Variants in EAPP observed in about 807,000 individuals in gnomAD.
EAPP encodes E2F-associated phosphoprotein.
Under a neutral mutation model 34.3 loss-of-function variants are expected in EAPP, and 38 were observed. The observed-to-expected ratio is 1.11, with a 90% CI of 0.85 to 1.45. EAPP has a LOEUF of 1.45. Ranked by LOEUF, EAPP falls within the 40% of genes most tolerant of loss-of-function variation. The probability of loss-of-function intolerance (pLI) is 0.00; values close to 1 mark genes in which losing one functional copy is unlikely to be tolerated. For missense variants in EAPP, 338 were observed against 343.7 expected, an observed-to-expected ratio of 0.98 and a Z score of 0.13; for synonymous variants, 113 against 117.6, an observed-to-expected ratio of 0.96 and a Z score of 0.25.
Position 34,516,559 on chromosome 14 carries a change from T to C in EAPP, c.609A>G (p.Arg203=). ...QRHESYKTQY[R]AMFVMNCSIN... is the part of the protein sequence containing the mutation. The stretch of plus-strand genomic sequence containing the variant: ...TAGAACAATTCATTACAAACATTGC[T>C]CTATATTGAGTTTTGTATGATTCAT... Residue 203 remains arginine (R), a synonymous_variant, in exon 6 of 6, where the codon AGA becomes AGG. Coordinates refer to ENST00000250454, the MANE Select transcript of EAPP (RefSeq NM_018453.4). The C allele has an allele frequency of 6.2e-7, 1 of 1,613,644 alleles. No homozygotes were observed. The highest frequency in any genetic ancestry group is 8.5e-7 in the Non-Finnish European group (1 of 1,179,896).
chr14:34,529,120 T>C (rs1263914404), intron 4 of EAPP, among the ~76,000 whole-genome samples: 8 of 151,930 alleles, frequency 5.3e-5, no homozygotes, highest in Non-Finnish European at 1.5e-5. Flanking sequence ...CAGGCGACAG[T>C]GCAAGACTCT....
chr14:34,517,056 G>C (rs1244437384), intron 5 of EAPP, among the ~76,000 whole-genome samples: 3 of 151,212 alleles, frequency 2.0e-5, no homozygotes, highest in African/African-American at 7.3e-5. Context: ...TCCTGCCTCA[G>C]CCTCCCGAGT....
At chr14:34,536,350 G>T in intron 1 of EAPP, 75 bp from the exon 2 acceptor site, 3 of 1,163,412 alleles carry the variant, frequency 2.6e-6, no homozygotes, top group Non-Finnish European at 3.5e-6. Context: ...GCATCTCACT[G>T]TCCAACAACA....
chr14:34,517,227 C>G (rs189920524), intron 5 of EAPP, among the ~76,000 whole-genome samples: 72 of 150,588 alleles, frequency 4.8e-4, no homozygotes, highest in African/African-American at 1.6e-3. Context: ...CGTGAGCCAC[C>G]GCACCCAGAC....
At chr14:34,526,359 T>TG (rs1880095455) in intron 4 of EAPP, among the ~76,000 whole-genome samples, 1 of 149,894 alleles carries the variant, frequency 6.7e-6, no homozygotes, top group Non-Finnish European at 1.5e-5. Context: ...ACCCAGGAGG[T>TG]GGAGGTCACA....
intron 3 of EAPP, 21 bp downstream of exon 3, chr14:34,533,423 C>T: frequency 1.3e-6 from 2 of 1,542,468 alleles, no homozygotes; most frequent in Non-Finnish European, 1.8e-6. Context: ...AACTGCTAAA[C>T]CTGGTAAATA....
Position 34,533,507 on chromosome 14 carries a change from C to T in EAPP, c.289G>A (p.Ala97Thr), listed in dbSNP as rs1178514665. The T allele has an allele frequency of 6.3e-7, 1 of 1,595,244 alleles. No individual in the cohort carries two copies. The highest frequency in any genetic ancestry group is 1.4e-5 in the African/African-American group (1 of 73,530). ...SSSGNGKVAT[A>T]PTRYYDDIYF... ...ATATCATCGTAGTACCTTGTCGGAG[C>T]TGTTGCAACTTTTCCATTTCCTGAG... is the stretch of plus-strand genomic sequence containing the variant. The change falls in exon 3 of 6, where the codon GCT (alanine) becomes ACT (threonine). Residue 97 changes from alanine (A) to threonine (T), a missense_variant. By Grantham distance (58) the Ala-to-Thr change is moderately conservative. Coordinates refer to ENST00000250454, the MANE Select transcript of EAPP (RefSeq NM_018453.4).
At chr14:34,518,397 C>T (rs1336559033) in intron 5 of EAPP, among the ~76,000 whole-genome samples, 8 of 126,724 alleles carry the variant, frequency 6.3e-5, no homozygotes, top group Admixed American at 2.9e-4. Context: ...TGCAATAGCA[C>T]GATCTTGGCT....
intron 5 of EAPP, among the ~76,000 whole-genome samples, chr14:34,521,637 T>TC (rs1879922806): frequency 1.4e-5 from 2 of 144,392 alleles, no homozygotes; most frequent in Non-Finnish European, 3.0e-5. Flanking sequence ...CCAGATTTCT[T>TC]TTTTTTTTTT....
intron 2 of EAPP, among the ~76,000 whole-genome samples, chr14:34,533,866 GAACA>G (rs1880377541): frequency 6.6e-6 from 1 of 151,946 alleles, no homozygotes; most frequent in African/African-American, 2.4e-5. Flanking sequence ...GCAGAACATA[GAACA>G]AACATTTTGT....
intron 5 of EAPP, among the ~76,000 whole-genome samples, chr14:34,517,402 C>A (rs1212774714): frequency 2.0e-5 from 3 of 151,794 alleles, no homozygotes; most frequent in Non-Finnish European, 2.9e-5. Context: ...GAATGCACCA[C>A]CACACCTGGC....
intron 1 of EAPP, among the ~76,000 whole-genome samples, chr14:34,536,894 T>A (rs1268682125): frequency 1.3e-5 from 2 of 152,118 alleles, no homozygotes; most frequent in Admixed American, 6.6e-5. Context: ...TAGATAGATA[T>A]ATAGATAGAT....
intron 3 of EAPP, among the ~76,000 whole-genome samples, chr14:34,529,701 G>A (rs563113615): frequency 2.0e-5 from 3 of 152,158 alleles, no homozygotes; most frequent in South Asian, 4.1e-4. Flanking sequence ...ACAACATGGC[G>A]AAACCCCGTC....
At chr14:34,525,051 A>G (rs1349234837) in intron 4 of EAPP, among the ~76,000 whole-genome samples, 1 of 152,174 alleles carries the variant, frequency 6.6e-6, no homozygotes, top group Non-Finnish European at 1.5e-5. Context: ...ACAAGTCACC[A>G]ACTGCCAAAG....
At chr14:34,519,856 C>A (rs1407600558) in intron 5 of EAPP, among the ~76,000 whole-genome samples, 1 of 139,798 alleles carries the variant, frequency 7.2e-6, no homozygotes, top group South Asian at 2.3e-4. Context: ...AAAAAAAAAA[C>A]TTACAGTTAT....
At chr14:34,520,175 C>T (rs1879870778) in intron 5 of EAPP, among the ~76,000 whole-genome samples, 1 of 151,024 alleles carries the variant, frequency 6.6e-6, no homozygotes, top group Admixed American at 6.6e-5. Flanking sequence ...GCATGAGCCA[C>T]CATGCCTGGC....
At chr14:34,517,094 T>TGC (rs1879760824) in intron 5 of EAPP, among the ~76,000 whole-genome samples, 1 of 147,366 alleles carries the variant, frequency 6.8e-6, no homozygotes, top group Non-Finnish European at 1.5e-5. Context: ...CCCGCCACCA[T>TGC]GCCTGGCTAA....
At position 34,524,716 on chromosome 14, in the gene EAPP, G is replaced by A; in HGVS notation, c.562C>T (p.Leu188Phe). The change falls in exon 5 of 6, where the codon CTT becomes TTT. Residue 188 changes from leucine (L) to phenylalanine (F), a missense_variant. Coordinates refer to ENST00000250454, the MANE Select transcript of EAPP (RefSeq NM_018453.4). ...VLNCPACMTT[L>F]CLDCQRHESY... ...CATTACCTTTGGCAATCAAGGCAAA[G>A]TGTGGTCATGCAGGCAGGACAATTC... 1 of 1,605,084 alleles carries A rather than the reference G, an allele frequency of 6.2e-7. No homozygotes were observed. The highest frequency in any genetic ancestry group is 8.5e-7 in the Non-Finnish European group (1 of 1,174,874).
intron 4 of EAPP, among the ~76,000 whole-genome samples, chr14:34,526,537 A>G (rs887694185): frequency 6.6e-6 from 1 of 151,940 alleles, no homozygotes; most frequent in African/African-American, 2.4e-5. Flanking sequence ...CAGCCTGGGC[A>G]ACATGGTGAA....
Sources: allele counts gnomAD v4.1 joint callset (sites outside exome capture counted in the v4.1 genomes callset), GRCh38; gene constraint gnomAD v4.1.1; transcripts MANE v1.5; gene names NCBI Gene and HGNC (gene_info 2026-07-23, HGNC 2026-07-21).